SLC16A12: variants seen among roughly 807,000 people sequenced by gnomAD.
The protein encoded by SLC16A12 is monocarboxylate transporter 12.
SLC16A12 carries 17 observed loss-of-function variants against 42.4 expected under a neutral mutation model. The ratio of observed to expected loss-of-function variants is 0.40; its 90% CI spans 0.27 to 0.60. SLC16A12 has a LOEUF of 0.60. Ranked by LOEUF, SLC16A12 falls within the 20% of genes least tolerant of loss-of-function variation. The pLI is 0.42. For missense variants in SLC16A12, 544 were observed against 623.0 expected (o/e 0.87, Z 1.35); for synonymous variants, 224 against 229.4 (o/e 0.98, Z 0.21).
At chr10:89,503,161 A>G (rs141819356) in intron 2 of SLC16A12, among the ~76,000 whole-genome samples, 64 of 152,342 alleles carry the variant, frequency 4.2e-4, no homozygotes, top group Middle Eastern at 3.4e-3. Context: ...TAAACACATC[A>G]GAGTCACTTA....
chr10:89,552,995 C>A (rs184209371), intron 2 of SLC16A12, among the ~76,000 whole-genome samples: 1 of 152,342 alleles, frequency 6.6e-6, no homozygotes, highest in East Asian at 1.9e-4. Context: ...CTCCGTCCCT[C>A]TGTCCACTTT....
At chr10:89,449,175 A>G (rs1448839556) in intron 3 of SLC16A12, among the ~76,000 whole-genome samples, 1 of 152,250 alleles carries the variant, frequency 6.6e-6, no homozygotes, top group African/African-American at 2.4e-5. Context: ...GAAAATGGCC[A>G]TACTGCCTGA....
intron 2 of SLC16A12, among the ~76,000 whole-genome samples, chr10:89,526,022 T>G (rs1459292210): frequency 6.6e-6 from 1 of 152,184 alleles, no homozygotes; most frequent in African/African-American, 2.4e-5. Flanking sequence ...CACTTCAACC[T>G]GCATGTAGAA....
Position 89,443,789 on chromosome 10 carries a change from G to T in SLC16A12, c.271C>A (p.His91Asn), listed in dbSNP as rs768550242. 34 of 1,613,706 alleles carry T rather than the reference G, an allele frequency of 2.1e-5. No homozygotes were observed. In the South Asian group the frequency reaches 3.6e-4, roughly 17 times the overall value. Residue 91 changes from histidine to asparagine, a missense_variant, in exon 4 of 8, where the codon CAT (histidine) becomes AAT (asparagine). His to Asn is a moderately conservative substitution (Grantham distance 68). Coordinates refer to ENST00000371790, the MANE Select transcript of SLC16A12 (RefSeq NM_213606.4). The part of the protein sequence containing the change: ...TQDYAQTAWI[H>N]SIVDCVTMLC... ...ATGGTCACACAATCTACAATGGAAT[G>T]GATCCATGCCGTTTGTGCGTAATCC...
At position 89,431,207 on chromosome 10, in the gene SLC16A12, C is replaced by G. The variant is rs921783098; in HGVS notation, c.*1857G>C. Reference sequence around the variant, plus strand: ...AGAGACGGAGTTTCACGATGTTAGCCAGGATGGTCTTGATCTCCTGACCTC... The same window carrying G: ...AGAGACGGAGTTTCACGATGTTAGCGAGGATGGTCTTGATCTCCTGACCTC... On this transcript the variant is annotated 3_prime_UTR_variant, in exon 8 of 8. Coordinates refer to ENST00000371790, the MANE Select transcript of SLC16A12 (RefSeq NM_213606.4). The G allele has an allele frequency of 6.2e-6, 1 of 162,296 alleles. No homozygotes were observed. The highest frequency in any genetic ancestry group is 1.3e-5 in the Non-Finnish European group (1 of 75,346). The allele number at this position is 162,296 out of a possible 1,614,324, so 10.1% of individuals were successfully genotyped here.
chr10:89,529,089 G>C (rs959228206), intron 2 of SLC16A12, among the ~76,000 whole-genome samples: 1 of 152,282 alleles, frequency 6.6e-6, no homozygotes, highest in African/African-American at 2.4e-5. Flanking sequence ...GCAGCATTCT[G>C]TTCTCCCTTA....
intron 3 of SLC16A12, among the ~76,000 whole-genome samples, chr10:89,453,589 G>A (rs1564573550): frequency 6.6e-6 from 1 of 152,154 alleles, no homozygotes; most frequent in African/African-American, 2.4e-5. Context: ...CCGGTTTGTA[G>A]CTTAGGAGCA....
chr10:89,475,988 A>G (rs1842571863), intron 2 of SLC16A12, among the ~76,000 whole-genome samples: 1 of 152,234 alleles, frequency 6.6e-6, no homozygotes, highest in Admixed American at 6.5e-5. Context: ...ATTCATAACC[A>G]GAAGCTTGCC....
intron 2 of SLC16A12, among the ~76,000 whole-genome samples, chr10:89,499,859 G>A (rs750351350): frequency 6.6e-6 from 1 of 152,056 alleles, no homozygotes; most frequent in Non-Finnish European, 1.5e-5. Context: ...AAAACAAAAG[G>A]ATGGTTCTCT....
At chr10:89,515,389 G>A (rs1168214658) in intron 2 of SLC16A12, among the ~76,000 whole-genome samples, 5 of 152,094 alleles carry the variant, frequency 3.3e-5, no homozygotes, top group Non-Finnish European at 5.9e-5. Flanking sequence ...TCATATCCTC[G>A]GTATTCATTC....
chr10:89,467,527 A>G (rs759805526), intron 2 of SLC16A12, among the ~76,000 whole-genome samples: 2 of 152,218 alleles, frequency 1.3e-5, no homozygotes, highest in Admixed American at 6.5e-5. Context: ...TATGCAATTC[A>G]TTACAATTAT....
At chr10:89,441,959 G>C (rs7085066) in intron 4 of SLC16A12, among the ~76,000 whole-genome samples, 14,593 of 152,170 alleles carry the variant, frequency 0.096, 764 homozygotes, top group Middle Eastern at 0.17. Context: ...TCACCAACAA[G>C]AGCACCTAAC....
At chr10:89,524,195 G>A (rs1843410319) in intron 2 of SLC16A12, among the ~76,000 whole-genome samples, 1 of 152,148 alleles carries the variant, frequency 6.6e-6, no homozygotes. Flanking sequence ...TTTCCCATCT[G>A]CACCATTTTA....
chr10:89,451,217 C>T (rs1305577431), intron 3 of SLC16A12, among the ~76,000 whole-genome samples: 1 of 152,176 alleles, frequency 6.6e-6, no homozygotes, highest in East Asian at 1.9e-4. Context: ...GTTATGTTCA[C>T]TCTCCCTCTC....
At chr10:89,525,535 T>C (rs916745155) in intron 2 of SLC16A12, among the ~76,000 whole-genome samples, 2 of 152,232 alleles carry the variant, frequency 1.3e-5, no homozygotes, top group African/African-American at 4.8e-5. Flanking sequence ...TTAATTTTGA[T>C]AAAATGACGA....
rs748764250 is a variant in SLC16A12 at position 89,486,663 on chromosome 10, GA to G, written c.-46-24040del. ...AGAAAGAAAGAAAGAAAGAAAGAAA[GA>G]AAAGAAAGAAAGAAAGAAAAGAAAG... On this transcript the variant is annotated intron_variant, in intron 2 of 7. Coordinates refer to ENST00000371790, the MANE Select transcript of SLC16A12 (RefSeq NM_213606.4). Among the ~76,000 whole-genome samples the G allele has an allele frequency of 2.8e-3, 126 of 44,998 alleles. 2 individuals are homozygous for G. Among genetic ancestry groups the G allele is most frequent in the South Asian group, 5.1e-3 (9 of 1,750 alleles). 29.5% of individuals were successfully genotyped at this position (44,998 alleles called of 152,430 possible).
At chr10:89,554,367 CAGG>C (rs1338403484) in intron 2 of SLC16A12, among the ~76,000 whole-genome samples, 2 of 152,134 alleles carry the variant, frequency 1.3e-5, no homozygotes, top group Admixed American at 6.5e-5. Flanking sequence ...TGAAATCTAC[CAGG>C]AGATTTAAAG....
At chr10:89,538,512 C>T (rs1843694360), upstream of SLC16A12, among the ~76,000 whole-genome samples, 1 of 152,180 alleles carries the variant, frequency 6.6e-6, no homozygotes, top group Non-Finnish European at 1.5e-5. Flanking sequence ...ACGTTTTCTT[C>T]ATCACAGAAA....
Position 89,439,046 on chromosome 10 carries a change from G to C in SLC16A12, c.586C>G (p.Leu196Val), listed in dbSNP as rs1175250703. 6 of 1,613,778 alleles carry C rather than the reference G, an allele frequency of 3.7e-6. No individual in the cohort carries two copies. The highest frequency in any genetic ancestry group is 5.1e-6 in the Non-Finnish European group (6 of 1,179,904). The change falls in exon 6 of 8, where the codon CTC becomes GTC. Residue 196 changes from leucine (L) to valine (V), a missense_variant. Transcript: ENST00000371790. ...GTFILAPVVQ[L>V]LIEQFSWRGA... The stretch of plus-strand genomic sequence containing the variant: ...CGCCAGGAAAACTGTTCAATAAGGA[G>C]CTGAACCACAGGAGCCAGGATGAAG...
Sources: allele counts gnomAD v4.1 joint callset (sites outside exome capture counted in the v4.1 genomes callset), GRCh38; gene constraint gnomAD v4.1.1; transcripts MANE v1.5; gene names NCBI Gene and HGNC (gene_info 2026-07-23, HGNC 2026-07-21).